The following AIMP2 variants were observed in gnomAD, a reference collection of about 807,000 sequenced individuals.
AIMP2 encodes aminoacyl tRNA synthase complex-interacting multifunctional protein 2.
AIMP2 carries 20 observed loss-of-function variants against 23.4 expected under a neutral mutation model. The ratio of observed to expected loss-of-function variants is 0.85; its 90% CI spans 0.60 to 1.24. The LOEUF (loss-of-function observed/expected upper bound fraction) is 1.24. Among genes scored for constraint, AIMP2 ranks in the 50% most tolerant of loss-of-function variants. The pLI is 0.00. For missense variants in AIMP2, 515 were observed against 414.5 expected, an observed-to-expected ratio of 1.24 and a Z score of -2.10; for synonymous variants, 210 against 170.4, an observed-to-expected ratio of 1.23 and a Z score of -1.81.
At position 6,020,638 on chromosome 7, in the gene AIMP2, C is replaced by A. The variant is rs117419779; in HGVS notation, c.574+2593C>A. On this transcript the variant is annotated intron_variant, in intron 3 of 3. Transcript: ENST00000223029. ...TTGGCTTTTAAAAATGTCAAGATAA[C>A]AGGAGAAGCAGCTTCCGCCAACCAA... Among the ~76,000 whole-genome samples, 624 of 152,206 alleles carry A rather than the reference C, an allele frequency of 4.1e-3. 11 individuals are homozygous for A. The highest frequency in any genetic ancestry group is 0.017 in the East Asian group (87 of 5,182).
Position 6,018,101 on chromosome 7 carries a change from G to A in AIMP2, c.574+56G>A, listed in dbSNP as rs1321256854. 9.9e-6 allele frequency: 13 copies of A among 1,306,882 alleles called. No homozygotes were observed. The South Asian group carries it at 1.4e-4, about 14-fold the overall frequency. The allele number at this position is 1,306,882 out of a possible 1,614,324, so 81.0% of individuals were successfully genotyped here. On this transcript the variant is annotated intron_variant, in intron 3 of 3. Transcript: ENST00000223029. Reference sequence around the variant, plus strand: ...CACAGCTGCCCCTTGAACACCATGAGTTTCACCTGCATGAGTCCATTTACA... The same window carrying A: ...CACAGCTGCCCCTTGAACACCATGAATTTCACCTGCATGAGTCCATTTACA...
intron 3 of AIMP2, among the ~76,000 whole-genome samples, chr7:6,018,567 G>T (rs950603504): frequency 9.9e-5 from 15 of 151,832 alleles, no homozygotes; most frequent in African/African-American, 3.6e-4. Context: ...CACGCGCAGG[G>T]GCTCACGCCT....
In AIMP2 at chr7:6,023,473, A is replaced by G. The variant is rs769821226; in HGVS notation, c.745A>G (p.Ser249Gly). 2 of 1,614,266 alleles carry G rather than the reference A, an allele frequency of 1.2e-6. No homozygotes were observed. The highest frequency in any genetic ancestry group is 1.7e-6 in the Non-Finnish European group (2 of 1,180,048). The change falls in exon 4 of 4, where the codon AGT becomes GGT. Residue 249 changes from serine (S) to glycine (G), a missense_variant. By Grantham distance (56) the Ser-to-Gly change is moderately conservative. Coordinates refer to ENST00000223029, the MANE Select transcript of AIMP2 (RefSeq NM_006303.4). ...IAIFQLKEGS[S>G]KEKAAVFRSM... is the part of the protein sequence containing the mutation. ...GATTTTTCAGTTAAAAGAGGGAAGC[A>G]GTAAAGAAAAAGCCGCTGTTTTCCG...
At chr7:6,016,740 C>G (rs567757450) in intron 2 of AIMP2, 1 of 151,620 alleles carries the variant, frequency 6.6e-6, no homozygotes, top group Non-Finnish European at 1.5e-5. Flanking sequence ...CCTAGGCCGA[C>G]GTGTGGGATA....
intron 2 of AIMP2, among the ~76,000 whole-genome samples, chr7:6,016,222 T>C (rs1787022879): frequency 6.6e-6 from 1 of 152,338 alleles, no homozygotes; most frequent in Middle Eastern, 3.4e-3. Flanking sequence ...GATTGAAGTT[T>C]ACAGGCTTCA....
chr7:6,012,982 C>A (rs185757183), intron 1 of AIMP2: 3 of 982,578 alleles, frequency 3.1e-6, no homozygotes, highest in Admixed American at 6.3e-5. Context: ...TGATTAAGCC[C>A]GAAGGTAAAT....
intron 3 of AIMP2, among the ~76,000 whole-genome samples, chr7:6,021,346 A>AAG (rs1052194287): frequency 6.6e-6 from 1 of 151,454 alleles, no homozygotes; most frequent in African/African-American, 2.4e-5. Flanking sequence ...CTCAAAAAAA[A>AAG]AAAAAAAAAA....
chr7:6,009,968 A>ATAT lies in AIMP2; in HGVS notation c.135+470_135+471insTAT, dbSNP rs1289301847. On this transcript the variant is annotated intron_variant, in intron 1 of 3. Coordinates refer to ENST00000223029, the MANE Select transcript of AIMP2 (RefSeq NM_006303.4). ...CTATCTCAAAAAAAAAAAAAAAAAAAAAAAAAATATATATATATATATATG... is the reference window on the plus strand; with the variant it reads ...CTATCTCAAAAAAAAAAAAAAAAAAATATAAAAAAATATATATATATATATATG... Among the ~76,000 whole-genome samples the ATAT allele has an allele frequency of 2.5e-3, 93 of 36,674 alleles. 2 individuals carry two copies. Among genetic ancestry groups the ATAT allele is most frequent in the African/African-American group, 8.3e-3 (85 of 10,276 alleles). 24.1% of individuals were successfully genotyped at this position (36,674 alleles called of 152,430 possible).
At chr7:6,017,773 C>T in intron 2 of AIMP2, 41 bp from the exon 3 acceptor site, 1 of 1,564,466 alleles carries the variant, frequency 6.4e-7, no homozygotes, top group Non-Finnish European at 8.7e-7. Context: ...GTGGCACTCT[C>T]CGATGACTGT....
intron 3 of AIMP2, among the ~76,000 whole-genome samples, chr7:6,019,340 CCAGGCATGGTGG>C (rs921318698): frequency 6.6e-6 from 1 of 151,432 alleles, no homozygotes; most frequent in Non-Finnish European, 1.5e-5. Flanking sequence ...AAAAAATTAG[CCAGGCATGGTGG>C]CAGGCGCCTG....
intron 1 of AIMP2, among the ~76,000 whole-genome samples, chr7:6,009,715 C>T (rs1429877070): frequency 2.6e-5 from 4 of 151,688 alleles, no homozygotes; most frequent in Non-Finnish European, 5.9e-5. Flanking sequence ...CTTTGGGAGG[C>T]CGAGGCGGGC....
chr7:6,010,981 C>A (rs771033422), intron 1 of AIMP2, among the ~76,000 whole-genome samples: 1 of 152,020 alleles, frequency 6.6e-6, no homozygotes, highest in Non-Finnish European at 1.5e-5. Context: ...GCTTCTTTTT[C>A]GTAGATATTA....
chr7:6,023,220 G>A, intron 3 of AIMP2, 83 bp from the exon 4 acceptor site: 2 of 1,454,576 alleles, frequency 1.4e-6, no homozygotes, highest in Non-Finnish European at 9.2e-7. Flanking sequence ...TGTGGTGTTT[G>A]GTGACTGTCC....
At chr7:6,012,252 CAA>C (rs144366351) in intron 1 of AIMP2, among the ~76,000 whole-genome samples, 31 of 113,900 alleles carry the variant, frequency 2.7e-4, no homozygotes, top group Non-Finnish European at 3.1e-4. Context: ...AACCCTGTCT[CAA>C]AAAAAAAAAA....
At position 6,018,005 on chromosome 7, in the gene AIMP2, C is replaced by CCAA. The variant is rs1436981799; in HGVS notation, c.535_537dup (p.Gln179dup). ...GAGAACAGAATAAAAAACAGCCCCG[C>CCAA]CAAGACTATCAGCTGGGATTCACTT... On this transcript the variant is annotated inframe_insertion, in exon 3 of 4. Transcript: ENST00000223029. 6.2e-7 allele frequency: 1 copy of CCAA among 1,614,026 alleles called. No individual in the cohort carries two copies. The highest frequency in any genetic ancestry group is 2.2e-5 in the East Asian group (1 of 44,868).
At chr7:6,021,467 C>G (rs1023040899) in intron 3 of AIMP2, among the ~76,000 whole-genome samples, 6 of 151,996 alleles carry the variant, frequency 3.9e-5, no homozygotes, top group African/African-American at 1.5e-4. Flanking sequence ...CAGTACATTC[C>G]TCCTGGAGAA....
At position 6,023,337 on chromosome 7, in the gene AIMP2, G is replaced by A. The variant is rs991294520; in HGVS notation, c.609G>A (p.Thr203=). The change falls in exon 4 of 4, where the codon ACG becomes ACA. Residue 203 remains threonine, a synonymous_variant. Coordinates refer to ENST00000223029, the MANE Select transcript of AIMP2 (RefSeq NM_006303.4). ...PKTQMKFSIQ[T]MCPIEGEGNI... is the part of the protein sequence containing the mutation. ...CGCAGATGAAATTCAGCATCCAGAC[G>A]ATGTGCCCCATCGAAGGCGAAGGGA... The A allele has an allele frequency of 3.1e-6, 5 of 1,609,216 alleles. No individual in the cohort carries two copies. The highest frequency in any genetic ancestry group is 3.4e-5 in the Admixed American group (2 of 58,678).
At chr7:6,009,683 G>A (rs1403861218) in intron 1 of AIMP2, among the ~76,000 whole-genome samples, 185 bp downstream of exon 1, 2 of 151,950 alleles carry the variant, frequency 1.3e-5, no homozygotes, top group African/African-American at 2.4e-5. Context: ...GGGCGCCGTG[G>A]CTCACGCCTG....
intron 1 of AIMP2, among the ~76,000 whole-genome samples, chr7:6,011,233 A>G (rs1350850798): frequency 6.6e-6 from 1 of 152,110 alleles, no homozygotes; most frequent in Admixed American, 6.6e-5. Flanking sequence ...TTTCCACTCT[A>G]TTAAATTGTT....
Sources: gnomAD v4.1 joint callset for allele counts (sites outside exome capture counted in the v4.1 genomes callset) on GRCh38, gnomAD v4.1.1 for gene constraint, MANE v1.5 for transcripts, NCBI Gene and HGNC (gene_info 2026-07-23, HGNC 2026-07-21) for gene names.